The following GRIK1 variants were observed in gnomAD, a reference collection of about 807,000 sequenced individuals.
GRIK1 encodes the protein glutamate ionotropic receptor kainate type subunit 1.
In GRIK1, 69 loss-of-function variants were observed where a neutral mutation model predicts 105.7. The observed-to-expected ratio is 0.65, with a 90% CI of 0.54 to 0.80. The LOEUF (loss-of-function observed/expected upper bound fraction) is 0.80, where lower values mean the gene tolerates loss of function less well. Ranked by LOEUF, GRIK1 falls within the 30% of genes least tolerant of loss-of-function variation. GRIK1 has a pLI of 0.00. For synonymous variants in GRIK1, 438 were observed against 431.3 expected (o/e 1.02, Z -0.19); for missense variants, 1,109 against 1,167.3 (o/e 0.95, Z 0.73).
At chr21:29,757,566 A>G (rs973541751) in intron 1 of GRIK1, among the ~76,000 whole-genome samples, 2 of 152,228 alleles carry the variant, frequency 1.3e-5, no homozygotes, top group Non-Finnish European at 2.9e-5. Flanking sequence ...TTTTCCTAAT[A>G]AATACCTGCT....
At chr21:29,684,300 T>A (rs1348023183) in intron 3 of GRIK1, among the ~76,000 whole-genome samples, 1 of 150,590 alleles carries the variant, frequency 6.6e-6, no homozygotes, top group African/African-American at 2.4e-5. Context: ...CTATCTATCA[T>A]CTATCTACCG....
At chr21:29,628,396 T>C (rs1164094070) in intron 7 of GRIK1, among the ~76,000 whole-genome samples, 4 of 152,224 alleles carry the variant, frequency 2.6e-5, no homozygotes, top group Non-Finnish European at 5.9e-5. Flanking sequence ...CCCATTATCT[T>C]GCAATAACAG....
At chr21:29,845,198 T>G (rs2068081572) in intron 1 of GRIK1, among the ~76,000 whole-genome samples, 1 of 152,172 alleles carries the variant, frequency 6.6e-6, no homozygotes, top group African/African-American at 2.4e-5. Flanking sequence ...TTTCTTTATA[T>G]TCTTGGAATT....
At chr21:29,703,738 C>T (rs1601492090) in intron 1 of GRIK1, among the ~76,000 whole-genome samples, 1 of 152,204 alleles carries the variant, frequency 6.6e-6, no homozygotes, top group African/African-American at 2.4e-5. Flanking sequence ...AAAGTCCCAG[C>T]CAAGAACAGA....
intron 1 of GRIK1, among the ~76,000 whole-genome samples, chr21:29,852,065 T>C (rs2068323946): frequency 6.6e-6 from 1 of 152,168 alleles, no homozygotes; most frequent in Non-Finnish European, 1.5e-5. Flanking sequence ...TTCTCACATT[T>C]CTTCCCACCC....
intron 1 of GRIK1, among the ~76,000 whole-genome samples, chr21:29,813,130 G>A (rs420091): frequency 0.19 from 28,779 of 152,006 alleles, 2,917 homozygotes; most frequent in Middle Eastern, 0.28. Flanking sequence ...CCTGGCACAC[G>A]CATGTAAATG....
intron 1 of GRIK1, among the ~76,000 whole-genome samples, chr21:29,783,796 T>C (rs1416839416): frequency 1.3e-5 from 2 of 152,246 alleles, no homozygotes; most frequent in Non-Finnish European, 2.9e-5. Flanking sequence ...ATTTTAACTT[T>C]ATTGACTTTG....
intron 1 of GRIK1, among the ~76,000 whole-genome samples, chr21:29,904,169 T>C (rs1425622079): frequency 1.3e-5 from 2 of 151,980 alleles, no homozygotes; most frequent in East Asian, 1.9e-4. Context: ...AAATACCAAA[T>C]GTAGGTGACA....
chr21:29,606,669 A>G (rs1318479554), intron 7 of GRIK1, among the ~76,000 whole-genome samples: 2 of 39,426 alleles, frequency 5.1e-5, no homozygotes, highest in Admixed American at 2.5e-4. Context: ...TTTTTTAAAA[A>G]CAAAACAAAA....
intron 7 of GRIK1, among the ~76,000 whole-genome samples, chr21:29,610,527 G>C (rs1220340446): frequency 6.6e-6 from 1 of 152,184 alleles, no homozygotes; most frequent in Non-Finnish European, 1.5e-5. Context: ...TGCTGGCTTT[G>C]AGGATGGAGG....
chr21:29,673,246 C>A, intron 3 of GRIK1, 82 bp from the exon 4 acceptor site: 1 of 925,506 alleles, frequency 1.1e-6, no homozygotes, highest in South Asian at 1.6e-5. Context: ...AAACTCGTTT[C>A]AACTCCAAAA....
At chr21:29,790,138 C>G (rs2066372368) in intron 1 of GRIK1, among the ~76,000 whole-genome samples, 2 of 152,236 alleles carry the variant, frequency 1.3e-5, no homozygotes, top group African/African-American at 2.4e-5. Flanking sequence ...CGAACTCCAC[C>G]TCCCAGGTTC....
intron 1 of GRIK1, among the ~76,000 whole-genome samples, chr21:29,798,529 C>T (rs1326758398): frequency 1.4e-4 from 22 of 152,080 alleles, no homozygotes; most frequent in Admixed American, 1.4e-3. Context: ...ATGAGAACTC[C>T]AAGTGAATTC....
chr21:29,868,801 A>G lies in GRIK1; in HGVS notation c.118+70582T>C, dbSNP rs1447264984. 2.6e-5 allele frequency among the ~76,000 whole-genome samples: 4 copies of G among 152,108 alleles called. No individual in the cohort carries two copies. In the East Asian group the frequency reaches 7.7e-4, roughly 29 times the overall value. ...GAAACAGCTTTGAAAAGGTTTCAAG[A>G]AGGAAGATATGGGAAAAGGAATGCA... On this transcript the variant is annotated intron_variant, in intron 1 of 17. Transcript: ENST00000327783.
intron 1 of GRIK1, among the ~76,000 whole-genome samples, chr21:29,899,726 G>T (rs1309789001): frequency 6.6e-6 from 1 of 152,106 alleles, no homozygotes; most frequent in Non-Finnish European, 1.5e-5. Flanking sequence ...CATCTTGGTG[G>T]CATGTACTCT....
intron 14 of GRIK1, among the ~76,000 whole-genome samples, chr21:29,572,658 T>G (rs982347955): frequency 3.9e-5 from 6 of 152,370 alleles, no homozygotes; most frequent in Admixed American, 1.3e-4. Context: ...TGCTGAATCT[T>G]GGCTCTTCCA....
intron 4 of GRIK1, among the ~76,000 whole-genome samples, chr21:29,670,281 T>C (rs751301652): frequency 6.6e-6 from 1 of 152,134 alleles, no homozygotes; most frequent in Non-Finnish European, 1.5e-5. Context: ...CAAAACATGA[T>C]AAGAGAGAGG....
intron 1 of GRIK1, among the ~76,000 whole-genome samples, chr21:29,696,692 A>C (rs2063707949): frequency 6.6e-6 from 1 of 152,178 alleles, no homozygotes; most frequent in African/African-American, 2.4e-5. Context: ...GCATGTAGAG[A>C]GACTGTGTCT....
chr21:29,872,819 C>T (rs972771613), intron 1 of GRIK1, among the ~76,000 whole-genome samples: 7 of 152,176 alleles, frequency 4.6e-5, no homozygotes, highest in Non-Finnish European at 7.3e-5. Flanking sequence ...ACCCCCATCA[C>T]TCAATTACCC....
Sources: allele counts gnomAD v4.1 joint callset (sites outside exome capture counted in the v4.1 genomes callset), GRCh38; gene constraint gnomAD v4.1.1; transcripts MANE v1.5; gene names NCBI Gene and HGNC (gene_info 2026-07-23, HGNC 2026-07-21).